The following CSMD1 variants were observed in gnomAD, a reference collection of about 807,000 sequenced individuals.
The protein encoded by CSMD1 is CUB and Sushi multiple domains 1, also known as CUB and sushi domain-containing protein 1.
A neutral mutation model predicts 417.5 loss-of-function variants in CSMD1; 213 were observed. That is an observed-to-expected ratio of 0.51 (90% CI 0.46 to 0.57). The LOEUF (loss-of-function observed/expected upper bound fraction) is 0.57. Ranked by LOEUF, CSMD1 falls within the 20% of genes least tolerant of loss-of-function variation. CSMD1 has a pLI of 0.00. For synonymous variants in CSMD1, 2,862 were observed against 1,736.8 expected, an observed-to-expected ratio of 1.65 and a Z score of -16.11; for missense variants, 6,923 against 4,529.7, an observed-to-expected ratio of 1.53 and a Z score of -15.17.
chr8:3,422,389 A>G (rs1389182604), intron 12 of CSMD1, among the ~76,000 whole-genome samples: 1 of 152,162 alleles, frequency 6.6e-6, no homozygotes, highest in East Asian at 1.9e-4. Flanking sequence ...ATTTGGGGCC[A>G]CTTTCCACAT....
At chr8:4,713,374 T>TTTTTG (rs56295432) in intron 1 of CSMD1, among the ~76,000 whole-genome samples, 35,687 of 147,928 alleles carry the variant, frequency 0.24, 4,462 homozygotes, top group Non-Finnish European at 0.26. Context: ...CAGCTTTGTG[T>TTTTTG]TTTTGTTTTG....
rs1324216100 is a variant in CSMD1 at position 4,058,811 on chromosome 8, A to C, written c.416-26712T>G. Reference sequence around the variant, plus strand: ...ATAAAGCAAGTCCTGAGTGACCTACAAAGAGACTTAGACTCCCACACAATA... The same window carrying C: ...ATAAAGCAAGTCCTGAGTGACCTACCAAGAGACTTAGACTCCCACACAATA... On this transcript the variant is annotated intron_variant, in intron 3 of 69. Transcript: ENST00000635120. Among the ~76,000 whole-genome samples, 10 of 151,026 alleles carry C rather than the reference A, an allele frequency of 6.6e-5. No homozygotes were observed. The East Asian group carries it at 1.9e-3, about 29-fold the overall frequency.
intron 3 of CSMD1, among the ~76,000 whole-genome samples, chr8:4,385,740 A>T (rs73658803): frequency 0.21 from 31,321 of 152,174 alleles, 4,661 homozygotes; most frequent in African/African-American, 0.42. Context: ...TGAAAATTAT[A>T]AAAATCTAAA....
chr8:3,527,416 G>A (rs1259390797), intron 10 of CSMD1, among the ~76,000 whole-genome samples: 3 of 152,116 alleles, frequency 2.0e-5, no homozygotes, highest in Non-Finnish European at 4.4e-5. Flanking sequence ...TTATAGGGAT[G>A]GGAACTAGAT....
chr8:4,945,758 A>AG (rs1808323211), intron 1 of CSMD1, among the ~76,000 whole-genome samples: 2 of 152,112 alleles, frequency 1.3e-5, no homozygotes, highest in Admixed American at 6.5e-5. Context: ...TGCCACCTGG[A>AG]GAAGATGATG....
intron 3 of CSMD1, among the ~76,000 whole-genome samples, chr8:4,229,883 G>A (rs7829008): frequency 0.42 from 64,392 of 152,026 alleles, 14,352 homozygotes; most frequent in East Asian, 0.7. Flanking sequence ...GTTGAAATCT[G>A]TGTATCGCTT....
intron 2 of CSMD1, among the ~76,000 whole-genome samples, chr8:4,486,963 G>C (rs963271650): frequency 6.6e-6 from 1 of 152,166 alleles, no homozygotes; most frequent in Non-Finnish European, 1.5e-5. Context: ...CTCACAGAGA[G>C]AGATGCACAG....
chr8:3,397,915 T>C (rs539746363), intron 16 of CSMD1, among the ~76,000 whole-genome samples: 312 of 152,316 alleles, frequency 2.0e-3, no homozygotes, highest in African/African-American at 7.0e-3. Flanking sequence ...CCATCGGTCA[T>C]GGTGGAAATG....
chr8:3,958,983 G>A (rs1417906358), intron 5 of CSMD1, among the ~76,000 whole-genome samples: 1 of 152,140 alleles, frequency 6.6e-6, no homozygotes, highest in Admixed American at 6.5e-5. Context: ...CCCGGTCTGG[G>A]CCTTCTCCCA....
chr8:3,669,019 C>T (rs565998717), intron 7 of CSMD1, among the ~76,000 whole-genome samples: 48 of 152,176 alleles, frequency 3.2e-4, no homozygotes, highest in African/African-American at 1.0e-3. Flanking sequence ...ATTAAACAGA[C>T]GTTATACCTT....
Position 4,172,446 on chromosome 8 carries a change from G to C in CSMD1, c.416-140347C>G, listed in dbSNP as rs1035400570. Among the ~76,000 whole-genome samples, 11 of 152,160 alleles carry C rather than the reference G, an allele frequency of 7.2e-5. No homozygotes were observed. In the East Asian group the frequency reaches 2.1e-3, roughly 29 times the overall value. On this transcript the variant is annotated intron_variant, in intron 3 of 69. Coordinates refer to ENST00000635120, the MANE Select transcript of CSMD1 (RefSeq NM_033225.6). ...TACACAGCATAGTCTAGGTTTCCCA[G>C]GTGTTGTGTTACAACAGACACTATC...
At position 3,262,220 on chromosome 8, in the gene CSMD1, TATATATATATAC is replaced by T. The variant is rs1178194146; in HGVS notation, c.4153+21912_4153+21923del. On this transcript the variant is annotated intron_variant, in intron 26 of 69. Transcript: ENST00000635120. ...ATATATATATATATATATATATATATATATATATATACACACACATAGTTAATTTCAAAATTC... is the reference window on the plus strand; with the variant it reads ...ATATATATATATATATATATATATATACACACATAGTTAATTTCAAAATTC... Among the ~76,000 whole-genome samples the T allele has an allele frequency of 4.3e-4, 48 of 111,830 alleles. 1 individual carries two copies. The highest frequency in any genetic ancestry group is 1.5e-3 in the African/African-American group (44 of 28,878). The allele number at this position is 111,830 out of a possible 152,430, so 73.4% of individuals were successfully genotyped here.
At chr8:4,511,512 C>T (rs1301231675) in intron 2 of CSMD1, among the ~76,000 whole-genome samples, 2 of 152,174 alleles carry the variant, frequency 1.3e-5, no homozygotes, top group African/African-American at 4.8e-5. Flanking sequence ...CCACTCTGTC[C>T]TAAGAGAAAG....
At chr8:3,692,535 G>C (rs1008782268) in intron 7 of CSMD1, among the ~76,000 whole-genome samples, 1 of 151,368 alleles carries the variant, frequency 6.6e-6, no homozygotes, top group Non-Finnish European at 1.5e-5. Context: ...TTCACATCCT[G>C]TGTTCTCTCC....
chr8:4,985,162 A>G (rs1316306924), intron 1 of CSMD1, among the ~76,000 whole-genome samples: 1 of 152,180 alleles, frequency 6.6e-6, no homozygotes, highest in Non-Finnish European at 1.5e-5. Flanking sequence ...CAAAATGATG[A>G]GAACACATGG....
At chr8:4,002,010 A>T (rs759520312) in intron 4 of CSMD1, among the ~76,000 whole-genome samples, 33 of 152,236 alleles carry the variant, frequency 2.2e-4, no homozygotes, top group Non-Finnish European at 4.4e-4. Context: ...TAATATATGC[A>T]AGATATATTA....
intron 5 of CSMD1, among the ~76,000 whole-genome samples, chr8:3,778,656 T>C (rs1799019963): frequency 6.6e-6 from 1 of 152,180 alleles, no homozygotes; most frequent in Admixed American, 6.5e-5. Context: ...CTCCAGGTTG[T>C]TTCTGGACCA....
intron 3 of CSMD1, among the ~76,000 whole-genome samples, chr8:4,329,274 A>G (rs1210461096): frequency 6.6e-6 from 1 of 152,138 alleles, no homozygotes; most frequent in African/African-American, 2.4e-5. Flanking sequence ...TATTACTAAA[A>G]TGCTTGAACA....
intron 7 of CSMD1, among the ~76,000 whole-genome samples, chr8:3,698,820 GA>G (rs1314200468): frequency 6.6e-6 from 1 of 152,238 alleles, no homozygotes; most frequent in Admixed American, 6.5e-5. Context: ...ATGGCCTGAT[GA>G]AAATGTCCGT....
Sources: allele counts gnomAD v4.1 joint callset (sites outside exome capture counted in the v4.1 genomes callset), GRCh38; gene constraint gnomAD v4.1.1; transcripts MANE v1.5; gene names NCBI Gene and HGNC (gene_info 2026-07-23, HGNC 2026-07-21).